The following ABCC6 variants were observed in gnomAD, a reference collection of about 807,000 sequenced individuals.
ABCC6 encodes the protein ATP binding cassette subfamily C member 6.
In ABCC6, 126 loss-of-function variants were observed where a neutral mutation model predicts 169.5. The ratio of observed to expected loss-of-function variants is 0.74; its 90% confidence interval spans 0.64 to 0.86. ABCC6 has a LOEUF of 0.86. ABCC6 is among the 40% of genes least tolerant of loss of function. The probability of loss-of-function intolerance (pLI) is 0.00; values close to 1 mark genes in which losing one functional copy is unlikely to be tolerated. For missense variants in ABCC6, 1,733 were observed against 1,927.2 expected, an observed-to-expected ratio of 0.90 and a Z score of 1.89; for synonymous variants, 752 against 814.7, an observed-to-expected ratio of 0.92 and a Z score of 1.31.
chr16:16,198,192 G>T lies in ABCC6; in HGVS notation c.1177-10C>A. ...TGGACAGAGCCAGGACCTGGCGGGT[G>T]GGCAGAAGGAGAGAAGTAAAGTGGG... On this transcript the variant is annotated splice_polypyrimidine_tract_variant and intron_variant, in intron 9 of 30. Coordinates refer to ENST00000205557, the MANE Select transcript of ABCC6 (RefSeq NM_001171.6). 6.3e-7 allele frequency: 1 copy of T among 1,581,426 alleles called. No homozygotes were observed. Among genetic ancestry groups the T allele is most frequent in the Non-Finnish European group, 8.6e-7 (1 of 1,162,980 alleles).
intron 5 of ABCC6, among the ~76,000 whole-genome samples, 161 bp downstream of exon 5, chr16:16,214,163 G>A (rs2048759456): frequency 6.6e-6 from 1 of 152,142 alleles, no homozygotes; most frequent in African/African-American, 2.4e-5. Context: ...TTTTCTCTTG[G>A]CCCATATAGA....
rs150540788 is a variant in ABCC6, at chr16:16,171,223, A to AT, written c.2788-1371dup. Among the ~76,000 whole-genome samples the AT allele has an allele frequency of 6.4e-3, 978 of 151,902 alleles. 80 individuals are homozygous for AT. The East Asian group carries it at 0.15, about 24-fold the overall frequency. ...GTTTCTCAGTGGTCTCTATTTCATC[A>AT]TTCTTTCTTTTAAGAGGCAGGGTCT... On this transcript the variant is annotated intron_variant, in intron 21 of 30. Transcript: ENST00000205557.
intron 25 of ABCC6, among the ~76,000 whole-genome samples, chr16:16,160,836 A>G (rs2046692914): frequency 6.6e-6 from 1 of 152,066 alleles, no homozygotes; most frequent in African/African-American, 2.4e-5. Context: ...AAAACGAACA[A>G]AAACATATAA....
chr16:16,158,005 T>C (rs2046605918), intron 26 of ABCC6, among the ~76,000 whole-genome samples, 196 bp from the exon 27 acceptor site: 4 of 152,206 alleles, frequency 2.6e-5, no homozygotes, highest in Admixed American at 2.6e-4. Context: ...GTGGCTACTT[T>C]TAGTCTATTT....
intron 22 of ABCC6, among the ~76,000 whole-genome samples, chr16:16,167,732 G>A (rs2046922958): frequency 6.6e-6 from 1 of 152,212 alleles, no homozygotes; most frequent in Non-Finnish European, 1.5e-5. Context: ...GCCTCCCAAA[G>A]TGCTGGGATT....
chr16:16,207,970 CT>C (rs1027532335), intron 7 of ABCC6, among the ~76,000 whole-genome samples: 12 of 151,000 alleles, frequency 7.9e-5, no homozygotes, highest in East Asian at 3.9e-4. Flanking sequence ...ATAAATCATC[CT>C]TTTTTTTCAT....
chr16:16,161,583 G>A lies in ABCC6; in HGVS notation c.3507-19C>T, dbSNP rs115016469. ...AAGCCACCTGCAAAGGGAAGCGACA[G>A]CAGGGTGAGTGGTTACTCTCATCTG... On this transcript the variant is annotated intron_variant, in intron 24 of 30. Transcript: ENST00000205557. 543 of 1,613,798 alleles carry A rather than the reference G, an allele frequency of 3.4e-4. 2 individuals are homozygous for A. The African/African-American group carries it at 5.8e-3, about 17-fold the overall frequency.
At position 16,188,833 on chromosome 16, in the gene ABCC6, G is replaced by A. The variant is rs1249307722; in HGVS notation, c.1777C>T (p.Gln593Ter). 1 of 1,613,570 alleles carries A rather than the reference G, an allele frequency of 6.2e-7. No homozygotes were observed. Among genetic ancestry groups the A allele is most frequent in the East Asian group, 2.2e-5 (1 of 44,856 alleles). The part of the protein sequence containing the change: ...FLPFSIHSLV[Q>*]ARVSFDRLVT... Reference sequence around the variant, plus strand: ...TCCAGCCCTTGCACCCACCTCACCTGGACGAGGGAGTGGATGGAGAAGGGC... The same window carrying A: ...TCCAGCCCTTGCACCCACCTCACCTAGACGAGGGAGTGGATGGAGAAGGGC... The change falls in exon 13 of 31, where the codon CAG (glutamine) becomes TAG (stop). Residue 593 changes from glutamine (Q) to a stop codon, truncating the protein, a stop_gained and splice_region_variant. Coordinates refer to ENST00000205557, the MANE Select transcript of ABCC6 (RefSeq NM_001171.6). LOFTEE classifies it high-confidence loss of function.
In ABCC6 at chr16:16,188,808, TCCAGCCCTTGCAC is replaced by T. The variant is rs1448962269; in HGVS notation, c.1779+10_1779+22del. The T allele has an allele frequency of 6.2e-7, 1 of 1,609,426 alleles. No individual in the cohort carries two copies. Among genetic ancestry groups the T allele is most frequent in the African/African-American group, 1.3e-5 (1 of 74,828 alleles). On this transcript the variant is annotated intron_variant, in intron 13 of 30. Coordinates refer to ENST00000205557, the MANE Select transcript of ABCC6 (RefSeq NM_001171.6). The stretch of plus-strand genomic sequence containing the variant: ...AGCCCACGCACTCTCCCAGGATGGC[TCCAGCCCTTGCAC>T]CCACCTCACCTGGACGAGGGAGTGG...
At chr16:16,175,150 T>C (rs776218875) in intron 20 of ABCC6, among the ~76,000 whole-genome samples, 5 of 152,084 alleles carry the variant, frequency 3.3e-5, no homozygotes, top group Non-Finnish European at 5.9e-5. Context: ...TCTTGTGCGC[T>C]GTGAAGGTGG....
At chr16:16,210,020 T>G (rs1248953973) in intron 6 of ABCC6, among the ~76,000 whole-genome samples, 1 of 152,202 alleles carries the variant, frequency 6.6e-6, no homozygotes, top group Non-Finnish European at 1.5e-5. Flanking sequence ...TGTGAGCCAC[T>G]GTGCCTGGCC....
At chr16:16,208,627 C>T (rs1275404329) in intron 7 of ABCC6, 101 bp downstream of exon 7, 2 of 1,594,162 alleles carry the variant, frequency 1.3e-6, no homozygotes, top group African/African-American at 1.3e-5. Flanking sequence ...CTGCCTCGGC[C>T]TCCCAAAATG....
At chr16:16,168,666 G>GGT (rs1388044634) in intron 22 of ABCC6, among the ~76,000 whole-genome samples, 1 of 151,720 alleles carries the variant, frequency 6.6e-6, no homozygotes, top group African/African-American at 2.4e-5. Flanking sequence ...GTGGTGAGGG[G>GGT]GTTGTTCAGT....
chr16:16,203,172 A>G (rs2048296775), intron 8 of ABCC6, among the ~76,000 whole-genome samples: 1 of 152,214 alleles, frequency 6.6e-6, no homozygotes, highest in African/African-American at 2.4e-5. Flanking sequence ...CTTTTGGGGC[A>G]TTTTACAGCA....
chr16:16,150,690 C>G lies in ABCC6; in HGVS notation c.4291G>C (p.Ala1431Pro), dbSNP rs1329851853. Reference sequence around the variant, plus strand: ...TGCAGCTCCGTGCCAGGGTCCACGGCAGCAGTAGCCTCGTCCAGGATGAGG... The same window carrying G: ...TGCAGCTCCGTGCCAGGGTCCACGGGAGCAGTAGCCTCGTCCAGGATGAGG... ...QILILDEATAAVDPGTELQMQ... is the reference protein window; with the variant it reads ...QILILDEATAPVDPGTELQMQ... The change falls in exon 30 of 31, where the codon GCC becomes CCC. Residue 1431 changes from alanine (A) to proline (P), a missense_variant. Physicochemically the swap from Ala to Pro is conservative, Grantham distance 27. Transcript: ENST00000205557. The G allele has an allele frequency of 1.2e-6, 2 of 1,613,828 alleles. No homozygotes were observed. The highest frequency in any genetic ancestry group is 1.7e-6 in the Non-Finnish European group (2 of 1,179,978).
chr16:16,183,209 C>G, intron 15 of ABCC6, among the ~76,000 whole-genome samples: 1 of 151,990 alleles, frequency 6.6e-6, no homozygotes, highest in Non-Finnish European at 1.5e-5. Context: ...GGGCACGCAT[C>G]CACACACACA....
At chr16:16,191,690 T>G in intron 11 of ABCC6, among the ~76,000 whole-genome samples, 1 of 145,036 alleles carries the variant, frequency 6.9e-6, no homozygotes, top group Non-Finnish European at 1.5e-5. Context: ...CTCTCCCTCA[T>G]TCCTTCTCTT....
At chr16:16,155,253 C>A in intron 27 of ABCC6, 1 of 610,112 alleles carries the variant, frequency 1.6e-6, no homozygotes, top group Non-Finnish European at 2.9e-6. Context: ...ATCCTGATAT[C>A]TCTCTCCCAT....
intron 22 of ABCC6, 142 bp from the exon 23 acceptor site, chr16:16,166,075 G>C (rs1596615069): frequency 3.6e-6 from 3 of 833,884 alleles, no homozygotes; most frequent in Non-Finnish European, 5.6e-6. Context: ...TTTTGAGACA[G>C]GGTCTCACTC....
Sources: gnomAD v4.1 joint callset for allele counts (sites outside exome capture counted in the v4.1 genomes callset) on GRCh38, gnomAD v4.1.1 for gene constraint, MANE v1.5 for transcripts, NCBI Gene and HGNC (gene_info 2026-07-23, HGNC 2026-07-21) for gene names.